ILDR1: variants seen among roughly 807,000 people sequenced by gnomAD.
The protein encoded by ILDR1 is immunoglobulin like domain containing receptor 1.
Under a neutral mutation model 62.4 loss-of-function variants are expected in ILDR1, and 56 were observed. The observed-to-expected ratio is 0.90, with a 90% CI of 0.72 to 1.12. The LOEUF (loss-of-function observed/expected upper bound fraction) is 1.12, where lower values mean the gene tolerates loss of function less well. ILDR1 is among the 50% of genes most tolerant of loss of function. The pLI is 0.00. For synonymous variants in ILDR1, 284 were observed against 277.8 expected (o/e 1.02, Z -0.22); for missense variants, 736 against 710.6 (o/e 1.04, Z -0.41).
intron 7 of ILDR1, among the ~76,000 whole-genome samples, chr3:121,990,623 G>A (rs1047688524): frequency 1.1e-4 from 16 of 152,054 alleles, no homozygotes; most frequent in Admixed American, 9.2e-4. Context: ...AGTCAAGGTC[G>A]CATTCTGTGC....
the ILDR1 span, among the ~76,000 whole-genome samples, chr3:122,047,409 C>G: frequency 6.6e-6 from 1 of 152,262 alleles, no homozygotes; most frequent in Admixed American, 6.5e-5. Flanking sequence ...CCTACAGAGA[C>G]AGGCAGGCCT....
intron 1 of ILDR1, among the ~76,000 whole-genome samples, chr3:122,008,581 TTC>T (rs1339780625): frequency 8.9e-5 from 6 of 67,424 alleles, no homozygotes; most frequent in Non-Finnish European, 2.2e-4. Context: ...TTCTTTTCTT[TTC>T]TTTTCTTTTC....
At chr3:121,991,328 G>T (rs2071342702) in intron 7 of ILDR1, among the ~76,000 whole-genome samples, 1 of 152,176 alleles carries the variant, frequency 6.6e-6, no homozygotes, top group African/African-American at 2.4e-5. Flanking sequence ...AAAATGAAAA[G>T]AAAATAATTT....
chr3:122,055,497 C>T, the ILDR1 span: 4 of 1,613,882 alleles, frequency 2.5e-6, no homozygotes, highest in South Asian at 3.3e-5. Context: ...AAAATGGATC[C>T]CCAGTGGTGA....
At chr3:122,046,393 T>C in the ILDR1 span, among the ~76,000 whole-genome samples, 3 of 150,670 alleles carry the variant, frequency 2.0e-5, no homozygotes, top group Admixed American at 6.6e-5. Context: ...GACAATTATG[T>C]GTCTTGGAGT....
the ILDR1 span, among the ~76,000 whole-genome samples, chr3:122,028,310 T>G: frequency 1.6e-5 from 2 of 128,322 alleles, no homozygotes; most frequent in East Asian, 2.2e-4. Context: ...CACTCCAGCC[T>G]GGGCAACAGA....
chr3:122,003,811 T>C (rs2071563847), intron 3 of ILDR1, among the ~76,000 whole-genome samples: 1 of 152,054 alleles, frequency 6.6e-6, no homozygotes, highest in African/African-American at 2.4e-5. Flanking sequence ...GAGCAGGGAC[T>C]AGCTACTATG....
At chr3:122,052,484 A>G in the ILDR1 span, among the ~76,000 whole-genome samples, 1 of 152,164 alleles carries the variant, frequency 6.6e-6, no homozygotes, top group Non-Finnish European at 1.5e-5. Context: ...AGGCATCTAG[A>G]GTATGGTGGG....
intron 3 of ILDR1, among the ~76,000 whole-genome samples, chr3:122,004,456 G>T (rs1180098174): frequency 6.6e-6 from 1 of 152,164 alleles, no homozygotes; most frequent in African/African-American, 2.4e-5. Context: ...CCATTTTATA[G>T]AAATTGAGGC....
Position 122,001,980 on chromosome 3 carries a change from TAA to T in ILDR1, c.380-118_380-117del, listed in dbSNP as rs369348114. ...AAGACCTTGTATTTACAAAAAATAA[TAA>T]AAAAAAAATTATCCAGCCATGGTGG... On this transcript the variant is annotated intron_variant, in intron 3 of 7. Transcript: ENST00000344209. 6.1e-6 allele frequency: 7 copies of T among 1,142,946 alleles called. No individual in the cohort carries two copies. In the African/African-American group the frequency reaches 6.4e-5, roughly 10 times the overall value. The allele number at this position is 1,142,946 out of a possible 1,614,324, so 70.8% of individuals were successfully genotyped here. A position where few individuals can be genotyped will look rare whatever the true frequency, so the allele number is the denominator to read the frequency against.
the ILDR1 span, among the ~76,000 whole-genome samples, chr3:122,033,044 G>A: frequency 6.6e-6 from 1 of 152,210 alleles, no homozygotes. Flanking sequence ...GATAACCAAT[G>A]TAGTATGCAT....
chr3:122,039,001 A>T, the ILDR1 span, among the ~76,000 whole-genome samples: 1 of 152,138 alleles, frequency 6.6e-6, no homozygotes. Context: ...AAAAAATTTT[A>T]AAAAGAAAGA....
the ILDR1 span, among the ~76,000 whole-genome samples, chr3:122,039,290 A>G: frequency 2.4e-4 from 37 of 152,272 alleles, no homozygotes; most frequent in African/African-American, 8.9e-4. Context: ...AAAAACCAAA[A>G]GCAAAAAACT....
Position 122,021,992 on chromosome 3 carries a change from G to A in ILDR1, c.58+28C>T, listed in dbSNP as rs540673359. 115 of 1,600,270 alleles carry A rather than the reference G, an allele frequency of 7.2e-5. 1 individual carries two copies. The South Asian group carries it at 1.1e-3, about 15-fold the overall frequency. On this transcript the variant is annotated intron_variant, in intron 1 of 7. Transcript: ENST00000344209. ...ATGGCTTCCTGTCTCCTTGGGTCCAGGGTGGGTACCATTTTTCCAAGGCTC... is the reference window on the plus strand; with the variant it reads ...ATGGCTTCCTGTCTCCTTGGGTCCAAGGTGGGTACCATTTTTCCAAGGCTC...
At chr3:122,021,557 C>T (rs2071855476) in intron 1 of ILDR1, among the ~76,000 whole-genome samples, 1 of 152,172 alleles carries the variant, frequency 6.6e-6, no homozygotes, top group South Asian at 2.1e-4. Context: ...TGTGGTCCTG[C>T]ACAGTAGATT....
At chr3:122,005,217 T>A in intron 3 of ILDR1, 27 bp downstream of exon 3, 1 of 837,702 alleles carries the variant, frequency 1.2e-6, no homozygotes, top group Non-Finnish European at 1.9e-6. Flanking sequence ...CCACCCCCAG[T>A]TCCCCTGACA....
At chr3:121,999,749 C>T (rs892890063) in intron 5 of ILDR1, among the ~76,000 whole-genome samples, 1 of 152,174 alleles carries the variant, frequency 6.6e-6, no homozygotes, top group African/African-American at 2.4e-5. Context: ...AAGTTCATGG[C>T]CATGACGGGA....
chr3:121,998,554 C>G lies in ILDR1; in HGVS notation c.646+2754G>C, dbSNP rs74920592. 8.9e-3 allele frequency among the ~76,000 whole-genome samples: 1,362 copies of G among 152,278 alleles called. 19 individuals are homozygous for G. Among genetic ancestry groups the G allele is most frequent in the African/African-American group, 0.03 (1,264 of 41,556 alleles). On this transcript the variant is annotated intron_variant, in intron 5 of 7. Coordinates refer to ENST00000344209, the MANE Select transcript of ILDR1 (RefSeq NM_001199799.2). Reference sequence around the variant, plus strand: ...ACCTAATCCCTCAGGAGAAACAACTCTCCCGCAGAACCTCCATTTATTAGT... The same window carrying G: ...ACCTAATCCCTCAGGAGAAACAACTGTCCCGCAGAACCTCCATTTATTAGT...
chr3:122,046,238 A>G, the ILDR1 span, among the ~76,000 whole-genome samples: 1 of 149,754 alleles, frequency 6.7e-6, no homozygotes, highest in Non-Finnish European at 1.5e-5. Flanking sequence ...AGAATGTTGA[A>G]TATCGGCCCC....
Sources: allele counts gnomAD v4.1 joint callset (sites outside exome capture counted in the v4.1 genomes callset), GRCh38; gene constraint gnomAD v4.1.1; transcripts MANE v1.5; gene names NCBI Gene and HGNC (gene_info 2026-07-23, HGNC 2026-07-21).